The following SLC36A1 variants were observed in gnomAD, a reference collection of about 807,000 sequenced individuals.
The protein encoded by SLC36A1 is solute carrier family 36 member 1.
Under a neutral mutation model 47.5 loss-of-function variants are expected in SLC36A1, and 30 were observed. That is an observed-to-expected ratio of 0.63 (90% CI 0.47 to 0.86). The LOEUF (loss-of-function observed/expected upper bound fraction) is 0.86. Ranked by LOEUF, SLC36A1 falls within the 40% of genes least tolerant of loss-of-function variation. The pLI is 0.00. For synonymous variants in SLC36A1, 255 were observed against 249.7 expected (o/e 1.02, Z -0.20); for missense variants, 517 against 606.0 (o/e 0.85, Z 1.54).
At chr5:151,476,186 T>C (rs954554529) in intron 8 of SLC36A1, among the ~76,000 whole-genome samples, 1 of 152,246 alleles carries the variant, frequency 6.6e-6, no homozygotes, top group Non-Finnish European at 1.5e-5. Flanking sequence ...TTGCATTCTT[T>C]AGACAGGTTA....
chr5:151,429,279 T>C, the SLC36A1 span, among the ~76,000 whole-genome samples: 2 of 151,898 alleles, frequency 1.3e-5, no homozygotes, highest in Admixed American at 6.5e-5. Flanking sequence ...ACATGTGCCA[T>C]GTTGGTGTGC....
the SLC36A1 span, among the ~76,000 whole-genome samples, chr5:151,382,616 G>T: frequency 1.3e-5 from 2 of 152,208 alleles, no homozygotes; most frequent in African/African-American, 4.8e-5. Context: ...TGTAACCATA[G>T]TGTGCATGTG....
chr5:151,503,336 C>T, the SLC36A1 span, among the ~76,000 whole-genome samples: 1 of 148,064 alleles, frequency 6.8e-6, no homozygotes, highest in Admixed American at 6.6e-5. Flanking sequence ...AGGCATATCG[C>T]TGTACCTTCC....
the SLC36A1 span, among the ~76,000 whole-genome samples, chr5:151,394,474 G>A: frequency 6.6e-6 from 1 of 152,206 alleles, no homozygotes; most frequent in African/African-American, 2.4e-5. Context: ...AGAGGGAGAG[G>A]CTCTCTGATT....
chr5:151,353,983 T>C, the SLC36A1 span, among the ~76,000 whole-genome samples: 1 of 152,208 alleles, frequency 6.6e-6, no homozygotes, highest in South Asian at 2.1e-4. Context: ...ACATCTTGGT[T>C]GCTCCCAAGT....
chr5:151,479,283 T>TGAGCAGGCTTG, intron 9 of SLC36A1, 37 bp from the exon 10 acceptor site: 1 of 1,606,130 alleles, frequency 6.2e-7, no homozygotes, highest in East Asian at 2.2e-5. Context: ...ATAAGTGTGC[T>TGAGCAGGCTTG]GAGCAGGCTT....
the SLC36A1 span, among the ~76,000 whole-genome samples, chr5:151,378,944 C>T: frequency 0.011 from 1,663 of 152,322 alleles, 66 homozygotes; most frequent in East Asian, 0.14. Flanking sequence ...CCGTATCTCT[C>T]GGAAGAAGAG....
At chr5:151,501,753 G>A in the SLC36A1 span, among the ~76,000 whole-genome samples, 1 of 148,270 alleles carries the variant, frequency 6.7e-6, no homozygotes, top group South Asian at 2.1e-4. Context: ...AGGAGCAAAG[G>A]CACCACAATG....
At chr5:151,381,140 G>A in the SLC36A1 span, 2 of 486,910 alleles carry the variant, frequency 4.1e-6, no homozygotes, top group Admixed American at 2.4e-5. Context: ...AGGCAAGGAT[G>A]AGCTGGCCAT....
the SLC36A1 span, chr5:151,527,147 G>A: frequency 1.5e-6 from 2 of 1,325,140 alleles, no homozygotes; most frequent in African/African-American, 2.9e-5. Flanking sequence ...CATTGTTCAT[G>A]TGGACTAATG....
At chr5:151,456,406 T>C (rs1754507477) in intron 1 of SLC36A1, among the ~76,000 whole-genome samples, 1 of 152,232 alleles carries the variant, frequency 6.6e-6, no homozygotes, top group Admixed American at 6.5e-5. Flanking sequence ...TTTTTGCACA[T>C]TTGAAAATGG....
rs141094219 is a variant in SLC36A1, at chr5:151,476,643, G to C, written c.876G>C (p.Leu292=). 1.2e-5 allele frequency: 19 copies of C among 1,611,962 alleles called. No individual in the cohort carries two copies. The highest frequency in any genetic ancestry group is 1.4e-5 in the Non-Finnish European group (17 of 1,179,076). The change falls in exon 9 of 11, where the codon CTG becomes CTC. Residue 292 remains leucine (L), a synonymous_variant. Coordinates refer to ENST00000243389, the MANE Select transcript of SLC36A1 (RefSeq NM_078483.4). ...MKDPRKFPLI[L]YLGMVIVTIL... is the part of the protein sequence containing the mutation. Reference sequence around the variant, plus strand: ...ATCCTCGGAAGTTCCCACTCATCCTGTACCTGGGCATGGTCATCGTCACCA... The same window carrying C: ...ATCCTCGGAAGTTCCCACTCATCCTCTACCTGGGCATGGTCATCGTCACCA...
At chr5:151,496,563 G>A (rs1007239414), downstream of SLC36A1, among the ~76,000 whole-genome samples, 1 of 152,164 alleles carries the variant, frequency 6.6e-6, no homozygotes, top group Non-Finnish European at 1.5e-5. Context: ...GTGTTTGTTT[G>A]TTTGTTTTTT....
chr5:151,424,599 T>C, the SLC36A1 span, among the ~76,000 whole-genome samples: 2 of 152,230 alleles, frequency 1.3e-5, no homozygotes, highest in African/African-American at 4.8e-5. Context: ...AGACTTTGCC[T>C]ACAATTTCAT....
At chr5:151,533,227 T>A in the SLC36A1 span, among the ~76,000 whole-genome samples, 1 of 152,070 alleles carries the variant, frequency 6.6e-6, no homozygotes, top group African/African-American at 2.4e-5. Context: ...CCTGGAGGTG[T>A]GTAAGCAGTG....
upstream of SLC36A1, among the ~76,000 whole-genome samples, chr5:151,444,714 GAC>G (rs1752822196): frequency 6.6e-6 from 1 of 152,122 alleles, no homozygotes; most frequent in South Asian, 2.1e-4. Flanking sequence ...TTGAACTCCT[GAC>G]CTCAGGTGAC....
chr5:151,471,398 C>A (rs1401416238), intron 7 of SLC36A1, among the ~76,000 whole-genome samples: 1 of 152,178 alleles, frequency 6.6e-6, no homozygotes. Flanking sequence ...TAGAATAATA[C>A]ACTTCTTCTG....
At chr5:151,380,365 G>T in the SLC36A1 span, 99 of 329,626 alleles carry the variant, frequency 3.0e-4, no homozygotes, top group Non-Finnish European at 3.7e-4. Context: ...CCACAGTTGT[G>T]GGGCGAGGAC....
At chr5:151,386,032 T>C in the SLC36A1 span, among the ~76,000 whole-genome samples, 74,793 of 151,130 alleles carry the variant, frequency 0.49, 20,520 homozygotes, top group African/African-American at 0.75. Flanking sequence ...CCACCACGTC[T>C]CGCTAACTTT....
Sources: gnomAD v4.1 joint callset for allele counts (sites outside exome capture counted in the v4.1 genomes callset) on GRCh38, gnomAD v4.1.1 for gene constraint, MANE v1.5 for transcripts, NCBI Gene and HGNC (gene_info 2026-07-23, HGNC 2026-07-21) for gene names.